ZZEF1: variants seen among roughly 807,000 people sequenced by gnomAD.
ZZEF1 encodes the protein zinc finger ZZ-type and EF-hand domain-containing protein 1.
ZZEF1 carries 157 observed loss-of-function variants against 342.8 expected under a neutral mutation model. That is an observed-to-expected ratio of 0.46 (90% CI 0.40 to 0.52). The LOEUF is 0.52. ZZEF1 is among the 20% of genes least tolerant of loss of function. The pLI, the probability that ZZEF1 is intolerant of heterozygous loss-of-function variation, is 0.00. For missense variants in ZZEF1, 3,480 were observed against 3,725.6 expected, an observed-to-expected ratio of 0.93 and a Z score of 1.72; for synonymous variants, 1,505 against 1,429.1, an observed-to-expected ratio of 1.05 and a Z score of -1.20.
chr17:4,037,789 C>T (rs1010206113), intron 39 of ZZEF1, among the ~76,000 whole-genome samples: 2 of 152,078 alleles, frequency 1.3e-5, no homozygotes, highest in Admixed American at 1.3e-4. Flanking sequence ...TGCTATGTTT[C>T]CCAGGCTGGT....
At chr17:4,092,955 T>G (rs1292071275) in intron 11 of ZZEF1, among the ~76,000 whole-genome samples, 1 of 146,184 alleles carries the variant, frequency 6.8e-6, no homozygotes, top group Non-Finnish European at 1.5e-5. Flanking sequence ...CAGGAGGACA[T>G]GACCAAAAAA....
At position 4,018,047 on chromosome 17, in the gene ZZEF1, C is replaced by T. The variant is rs924578016; in HGVS notation, c.7506-76G>A. The stretch of plus-strand genomic sequence containing the variant: ...TTTAACCTGCACTTAAACTTGTTGG[C>T]AATGTTCTTCAGAGTTGTTCTTCTG... On this transcript the variant is annotated intron_variant, in intron 46 of 54. Transcript: ENST00000381638. 2.6e-6 allele frequency: 4 copies of T among 1,565,668 alleles called. No homozygotes were observed. In the African/African-American group the frequency reaches 5.4e-5, roughly 21 times the overall value.
chr17:4,103,629 C>A (rs1033866860), intron 8 of ZZEF1, among the ~76,000 whole-genome samples: 1 of 151,928 alleles, frequency 6.6e-6, no homozygotes, highest in African/African-American at 2.4e-5. Context: ...AGAAACCTCA[C>A]GGCAGAAGCC....
chr17:4,052,190 C>T, intron 34 of ZZEF1, 54 bp from the exon 35 acceptor site: 3 of 1,512,460 alleles, frequency 2.0e-6, no homozygotes, highest in Non-Finnish European at 2.7e-6. Context: ...CCTAGATGGG[C>T]TAGTTTCCAA....
chr17:4,047,778 A>G (rs1317431542), intron 37 of ZZEF1, among the ~76,000 whole-genome samples: 1 of 151,044 alleles, frequency 6.6e-6, no homozygotes, highest in Non-Finnish European at 1.5e-5. Flanking sequence ...CGTCTCTACT[A>G]AAAATACAAA....
chr17:4,036,500 C>T (rs1259344740), intron 39 of ZZEF1, among the ~76,000 whole-genome samples: 2 of 151,874 alleles, frequency 1.3e-5, no homozygotes, highest in Non-Finnish European at 2.9e-5. Context: ...TTTGGGAGGC[C>T]GAGGTGGGTG....
At position 4,136,995 on chromosome 17, in the gene ZZEF1, G is replaced by GGA. The variant is rs549722168; in HGVS notation, c.354+5545_354+5546dup. Among the ~76,000 whole-genome samples, 66 of 152,028 alleles carry GGA rather than the reference G, an allele frequency of 4.3e-4. No homozygotes were observed. The South Asian group carries it at 0.014, about 32-fold the overall frequency. On this transcript the variant is annotated intron_variant, in intron 1 of 54. Transcript: ENST00000381638. The stretch of plus-strand genomic sequence containing the variant: ...GAGCAGGGAGCAGACAGGAGGAGAA[G>GGA]GAGAGCAAAGGACAAAATTCCCACA...
chr17:4,137,400 G>A (rs985368819), intron 1 of ZZEF1, among the ~76,000 whole-genome samples: 1 of 152,174 alleles, frequency 6.6e-6, no homozygotes, highest in Non-Finnish European at 1.5e-5. Flanking sequence ...CACAAGGTCA[G>A]GAGATCGAGA....
At chr17:4,141,580 A>G (rs935773499) in intron 1 of ZZEF1, among the ~76,000 whole-genome samples, 1 of 152,234 alleles carries the variant, frequency 6.6e-6, no homozygotes, top group African/African-American at 2.4e-5. Context: ...AAGAATACCT[A>G]ATGGATGCTG....
intron 51 of ZZEF1, 33 bp from the exon 52 acceptor site, chr17:4,013,647 CAG>C (rs1567759694): frequency 6.3e-7 from 1 of 1,583,914 alleles, no homozygotes; most frequent in Non-Finnish European, 8.6e-7. Flanking sequence ...GATATATAAA[CAG>C]AGATACGTAA....
intron 2 of ZZEF1, among the ~76,000 whole-genome samples, chr17:4,119,075 G>C (rs901812957): frequency 6.6e-6 from 1 of 152,250 alleles, no homozygotes; most frequent in Non-Finnish European, 1.5e-5. Flanking sequence ...AAGGCAAATT[G>C]CTTCTGGTGG....
At chr17:4,112,872 A>C in intron 4 of ZZEF1, 64 bp from the exon 5 acceptor site, 1 of 1,378,302 alleles carries the variant, frequency 7.3e-7, no homozygotes, top group Non-Finnish European at 9.7e-7. Flanking sequence ...CAGGATCCAG[A>C]AGTCCCACCT....
At chr17:4,103,482 C>T (rs539169105) in intron 8 of ZZEF1, among the ~76,000 whole-genome samples, 3 of 151,966 alleles carry the variant, frequency 2.0e-5, no homozygotes, top group African/African-American at 7.2e-5. Context: ...GGGAGGTGGA[C>T]GCTGCAGTGG....
intron 19 of ZZEF1, 32 bp downstream of exon 19, chr17:4,077,851 T>G (rs1208106483): frequency 1.9e-6 from 3 of 1,607,736 alleles, no homozygotes; most frequent in South Asian, 1.1e-5. Flanking sequence ...CCAAACGCCA[T>G]CTGTTTTCAT....
intron 18 of ZZEF1, among the ~76,000 whole-genome samples, chr17:4,079,502 G>A (rs769613632): frequency 2.0e-5 from 3 of 152,196 alleles, no homozygotes; most frequent in Non-Finnish European, 4.4e-5. Context: ...GTTTTTTAAG[G>A]AAGACTCAGA....
chr17:4,078,054 G>A lies in ZZEF1; in HGVS notation c.2830-12C>T, dbSNP rs889892144. The A allele has an allele frequency of 6.2e-7, 1 of 1,608,032 alleles. No individual in the cohort carries two copies. Among genetic ancestry groups the A allele is most frequent in the African/African-American group, 1.3e-5 (1 of 74,796 alleles). On this transcript the variant is annotated splice_polypyrimidine_tract_variant and intron_variant, in intron 18 of 54. Transcript: ENST00000381638. ...ATTAACAGCTCGCACTACAAGGGAGGAGACAAACAGAAAGTGTTCGTGACA... is the reference window on the plus strand; with the variant it reads ...ATTAACAGCTCGCACTACAAGGGAGAAGACAAACAGAAAGTGTTCGTGACA...
At position 4,052,142 on chromosome 17, in the gene ZZEF1, G is replaced by A. The variant is rs750567737; in HGVS notation, c.5435-6C>T. The A allele has an allele frequency of 9.1e-5, 146 of 1,607,752 alleles. No individual in the cohort carries two copies. The highest frequency in any genetic ancestry group is 1.2e-4 in the Non-Finnish European group (139 of 1,177,078). On this transcript the variant is annotated splice_region_variant and splice_polypyrimidine_tract_variant and intron_variant, in intron 34 of 54. Transcript: ENST00000381638. The stretch of plus-strand genomic sequence containing the variant: ...GCCCTCAGGCTTCACCCCACCTGAG[G>A]AGAAACACAGCAGTGTGAGGGGATG...
chr17:4,139,295 C>T (rs1225644520), intron 1 of ZZEF1, among the ~76,000 whole-genome samples: 1 of 151,748 alleles, frequency 6.6e-6, no homozygotes, highest in Non-Finnish European at 1.5e-5. Flanking sequence ...TGCGTGGACA[C>T]CAATGGCAGC....
chr17:4,093,305 G>A (rs1440148478), intron 11 of ZZEF1, among the ~76,000 whole-genome samples: 1 of 152,174 alleles, frequency 6.6e-6, no homozygotes, highest in African/African-American at 2.4e-5. Flanking sequence ...CACGTGTAAC[G>A]GAAGGGAGAT....
Sources: gnomAD v4.1 joint callset for allele counts (sites outside exome capture counted in the v4.1 genomes callset) on GRCh38, gnomAD v4.1.1 for gene constraint, MANE v1.5 for transcripts, NCBI Gene and HGNC (gene_info 2026-07-23, HGNC 2026-07-21) for gene names.